The following PNISR variants were observed in gnomAD, a reference collection of about 807,000 sequenced individuals.
PNISR encodes arginine/serine-rich protein PNISR.
Under a neutral mutation model 93.4 loss-of-function variants are expected in PNISR, and 20 were observed. The observed-to-expected ratio is 0.21, with a 90% CI of 0.15 to 0.31. PNISR has a LOEUF of 0.31. PNISR is among the 10% of genes least tolerant of loss of function. The pLI is 1.00. For synonymous variants in PNISR, 305 were observed against 306.5 expected (o/e 0.99, Z 0.05); for missense variants, 893 against 985.4 (o/e 0.91, Z 1.25).
At chr6:99,412,944 C>T (rs902315305) in intron 3 of PNISR, among the ~76,000 whole-genome samples, 2 of 151,758 alleles carry the variant, frequency 1.3e-5, no homozygotes, top group African/African-American at 4.8e-5. Flanking sequence ...AGCAAATAAC[C>T]CATATTCAGG....
chr6:99,418,019 T>C (rs1260164521), intron 1 of PNISR, among the ~76,000 whole-genome samples: 1 of 149,922 alleles, frequency 6.7e-6, no homozygotes, highest in Non-Finnish European at 1.5e-5. Flanking sequence ...TCTGCTCAAC[T>C]CCATTTTCTT....
At chr6:99,407,463 T>C (rs762657209) in intron 7 of PNISR, among the ~76,000 whole-genome samples, 35 of 152,330 alleles carry the variant, frequency 2.3e-4, no homozygotes, top group Middle Eastern at 3.4e-3. Context: ...AAGTAATTTA[T>C]GGAATTGAAG....
rs752557067 is a variant in PNISR at position 99,400,294 on chromosome 6, C to T, written c.*246G>A. On this transcript the variant is annotated 3_prime_UTR_variant, in exon 12 of 12. Transcript: ENST00000369239. ...CCACATCATTCCTCAGCGTTTACGACGGGGAGGGGTTGTTGATCTGAAAAA... is the reference window on the plus strand; with the variant it reads ...CCACATCATTCCTCAGCGTTTACGATGGGGAGGGGTTGTTGATCTGAAAAA... 7.3e-5 allele frequency: 76 copies of T among 1,035,790 alleles called. No individual in the cohort carries two copies. The highest frequency in any genetic ancestry group is 1.3e-4 in the South Asian group (3 of 23,442). 64.2% of individuals were successfully genotyped at this position (1,035,790 alleles called of 1,614,324 possible). A position where few individuals can be genotyped will look rare whatever the true frequency, so the allele number is the denominator to read the frequency against.
chr6:99,403,660 G>A (rs769303588), intron 10 of PNISR, 169 bp downstream of exon 10: 32 of 451,208 alleles, frequency 7.1e-5, no homozygotes, highest in South Asian at 2.9e-4. Context: ...CTGTGAATGC[G>A]TTAGTCAAAA....
At chr6:99,401,739 T>C in intron 11 of PNISR, 109 bp from the exon 12 acceptor site, 1 of 816,300 alleles carries the variant, frequency 1.2e-6, no homozygotes, top group African/African-American at 1.8e-5. Context: ...TTCAATAGAA[T>C]TACGATGCAA....
chr6:99,408,392 GTAACAGC>G, intron 6 of PNISR, 121 bp from the exon 7 acceptor site: 2 of 660,402 alleles, frequency 3.0e-6, no homozygotes, highest in Non-Finnish European at 5.2e-6. Flanking sequence ...ATCACTTTTA[GTAACAGC>G]AGGGACCACT....
At position 99,399,706 on chromosome 6, in the gene PNISR, G is replaced by A. The variant is rs1775236925; in HGVS notation, c.*834C>T. Reference sequence around the variant, plus strand: ...TACTTGAAAATCCCCAAAATAGGAAGAAAAGTTTAGAAAGTTGTCAAATAC... The same window carrying A: ...TACTTGAAAATCCCCAAAATAGGAAAAAAAGTTTAGAAAGTTGTCAAATAC... On this transcript the variant is annotated 3_prime_UTR_variant, in exon 12 of 12. Coordinates refer to ENST00000369239, the MANE Select transcript of PNISR (RefSeq NM_032870.4). The A allele has an allele frequency of 6.6e-6, 1 of 152,092 alleles. No individual in the cohort carries two copies. The highest frequency in any genetic ancestry group is 2.4e-5 in the African/African-American group (1 of 41,428). 9.4% of individuals were successfully genotyped at this position (152,092 alleles called of 1,614,324 possible). A position where few individuals can be genotyped will look rare whatever the true frequency, so the allele number is the denominator to read the frequency against.
In PNISR at chr6:99,401,342, C is replaced by T; in HGVS notation, c.1616G>A (p.Ser539Asn). The change falls in exon 12 of 12, where the codon AGC becomes AAC. Residue 539 changes from serine to asparagine, a missense_variant. By Grantham distance (46) the Ser-to-Asn change is conservative. Transcript: ENST00000369239. ...STVSSSSYSS[S>N]SGSSRTSSRS... The stretch of plus-strand genomic sequence containing the variant: ...AGAAGAAGTACGACTACTACCTGAG[C>T]TAGAACTGTATGAAGAGCTAGAGAC... 1.2e-6 allele frequency: 2 copies of T among 1,614,020 alleles called. No individual in the cohort carries two copies. The highest frequency in any genetic ancestry group is 1.7e-6 in the Non-Finnish European group (2 of 1,179,950).
At chr6:99,408,702 C>T (rs569247518) in intron 6 of PNISR, among the ~76,000 whole-genome samples, 6 of 152,270 alleles carry the variant, frequency 3.9e-5, no homozygotes, top group Non-Finnish European at 7.3e-5. Context: ...GTATTTGTCA[C>T]TTGAAATAGG....
intron 1 of PNISR, among the ~76,000 whole-genome samples, chr6:99,420,145 G>C (rs1006548101): frequency 6.6e-6 from 1 of 152,220 alleles, no homozygotes; most frequent in Admixed American, 6.5e-5. Flanking sequence ...AGTCCCCAAA[G>C]TGCTGGGATT....
intron 5 of PNISR, chr6:99,410,252 A>T (rs1776736379): frequency 6.3e-6 from 1 of 158,310 alleles, no homozygotes; most frequent in Non-Finnish European, 1.4e-5. Context: ...TGGATGCTAC[A>T]GAGGAAATTA....
rs765434837 is a variant in PNISR at position 99,412,673 on chromosome 6, C to T, written c.155G>A (p.Ser52Asn). ...CATTCCTGGTGGTTGTTCTACCATG[C>T]TTTGCTGTCCTGAAGCTTCTCTTTG... ...IAQREASGQQSMVEQPPGMMP... is the reference protein window; with the variant it reads ...IAQREASGQQNMVEQPPGMMP... The change falls in exon 4 of 12, where the codon AGC (serine) becomes AAC (asparagine). Residue 52 changes from serine (S) to asparagine (N), a missense_variant. By Grantham distance (46) the Ser-to-Asn change is conservative. Coordinates refer to ENST00000369239, the MANE Select transcript of PNISR (RefSeq NM_032870.4). 15 of 1,612,260 alleles carry T rather than the reference C, an allele frequency of 9.3e-6. 1 individual carries two copies. In the South Asian group the frequency reaches 1.7e-4, roughly 18 times the overall value.
chr6:99,400,279 C>T lies in PNISR; in HGVS notation c.*261G>A. ...ATCATGGCATTCTTGCCACATCATT[C>T]CTCAGCGTTTACGACGGGGAGGGGT... On this transcript the variant is annotated 3_prime_UTR_variant, in exon 12 of 12. Transcript: ENST00000369239. 1 of 985,596 alleles carries T rather than the reference C, an allele frequency of 1.0e-6. No individual in the cohort carries two copies. The highest frequency in any genetic ancestry group is 1.2e-6 in the Non-Finnish European group (1 of 813,932). 61.1% of individuals were successfully genotyped at this position (985,596 alleles called of 1,614,324 possible).
At chr6:99,424,710 G>C (rs1779204031) in intron 1 of PNISR, among the ~76,000 whole-genome samples, 1 of 152,234 alleles carries the variant, frequency 6.6e-6, no homozygotes, top group Admixed American at 6.5e-5. Context: ...ATCCACCACA[G>C]GGTAAAAAAC....
rs909467596 is a variant in PNISR, at chr6:99,399,475, T to G, written c.*1065A>C. The G allele has an allele frequency of 1.1e-4, 16 of 152,170 alleles. No homozygotes were observed. Among genetic ancestry groups the G allele is most frequent in the African/African-American group, 3.9e-4 (16 of 41,474 alleles). 9.4% of individuals were successfully genotyped at this position (152,170 alleles called of 1,614,324 possible). Reference sequence around the variant, plus strand: ...AAATATAAATAAATATATTGAATCATGAGTCTTATTTCTATAACCCCAAAA... The same window carrying G: ...AAATATAAATAAATATATTGAATCAGGAGTCTTATTTCTATAACCCCAAAA... On this transcript the variant is annotated 3_prime_UTR_variant, in exon 12 of 12. Transcript: ENST00000369239.
chr6:99,412,570 G>T lies in PNISR; in HGVS notation c.258C>A (p.Phe86Leu). ...NHGNFQGDSN[F>L]NRMWQPEWGM... is the part of the protein sequence containing the mutation. ...ACAAACCTGGTTGCCACATTCTGTT[G>T]AAGTTTGAATCCCCTTGGAAATTCC... The change falls in exon 4 of 12, where the codon TTC (phenylalanine) becomes TTA (leucine). Residue 86 changes from phenylalanine to leucine, a missense_variant. Phe to Leu is a conservative substitution (Grantham distance 22). Around this residue, in one of 3 missense-constraint regions of PNISR, gnomAD observed 866 missense variants for 935.1 expected, o/e 0.93. Transcript: ENST00000369239. 2.5e-6 allele frequency: 4 copies of T among 1,595,934 alleles called. No individual in the cohort carries two copies. The highest frequency in any genetic ancestry group is 3.4e-6 in the Non-Finnish European group (4 of 1,173,094).
Position 99,414,254 on chromosome 6 carries a change from A to G in PNISR, c.88+318T>C, listed in dbSNP as rs147781433. 1.8e-3 allele frequency among the ~76,000 whole-genome samples: 274 copies of G among 152,356 alleles called. 4 individuals carry two copies. In the East Asian group the frequency reaches 0.045, roughly 25 times the overall value. ...CCAGTTCAATATAATATACAACTTT[A>G]AGAGTCAGAATTCACAGAAGTGTTC... On this transcript the variant is annotated intron_variant, in intron 3 of 11. Transcript: ENST00000369239.
intron 1 of PNISR, among the ~76,000 whole-genome samples, chr6:99,423,387 CCTAA>C (rs1357608170): frequency 1.3e-5 from 2 of 152,018 alleles, no homozygotes; most frequent in African/African-American, 4.8e-5. Flanking sequence ...AATATTCCAC[CCTAA>C]CTGAGGAAGA....
chr6:99,404,816 T>C (rs1775949214), intron 8 of PNISR, 114 bp from the exon 9 acceptor site: 3 of 592,612 alleles, frequency 5.1e-6, no homozygotes, highest in East Asian at 5.9e-5. Flanking sequence ...TCTCACTCTG[T>C]TGCCCAGGCT....
Sources: allele counts gnomAD v4.1 joint callset (sites outside exome capture counted in the v4.1 genomes callset), GRCh38; gene constraint gnomAD v4.1.1; regional missense constraint gnomAD v4.1.1; transcripts MANE v1.5; gene names NCBI Gene and HGNC (gene_info 2026-07-23, HGNC 2026-07-21).